Variants in AMPD1 observed in about 807,000 individuals in gnomAD.
AMPD1 encodes the protein adenosine monophosphate deaminase 1, also known as AMP deaminase 1.
AMPD1 carries 74 observed loss-of-function variants against 82.9 expected under a neutral mutation model. The ratio of observed to expected loss-of-function variants is 0.89; its 90% CI spans 0.74 to 1.08. The LOEUF is 1.08. AMPD1 is among the 50% of genes least tolerant of loss of function. The pLI is 0.00. For synonymous variants in AMPD1, 333 were observed against 320.5 expected, an observed-to-expected ratio of 1.04 and a Z score of -0.42; for missense variants, 881 against 924.5, an observed-to-expected ratio of 0.95 and a Z score of 0.61.
intron 2 of AMPD1, among the ~76,000 whole-genome samples, chr1:114,692,739 A>C (rs1243808212): frequency 6.8e-6 from 1 of 147,814 alleles, no homozygotes; most frequent in Admixed American, 6.8e-5. Flanking sequence ...ATCTGGTCAC[A>C]AAAATGAACA....
rs1657893690 is a variant in AMPD1, at chr1:114,673,546, C to T, written c.2085+93G>A. The T allele has an allele frequency of 2.8e-6, 3 of 1,077,850 alleles. No individual in the cohort carries two copies. In the South Asian group the frequency reaches 3.9e-5, roughly 14 times the overall value. 66.8% of individuals were successfully genotyped at this position (1,077,850 alleles called of 1,614,324 possible). On this transcript the variant is annotated intron_variant, in intron 15 of 15. Coordinates refer to ENST00000520113, the MANE Select transcript of AMPD1 (RefSeq NM_000036.3). ...TAGTAACTGCATATGATTCGTGGAA[C>T]AATTTTTCTACATGTGTTTCCCAAC...
chr1:114,675,414 G>T, intron 12 of AMPD1, 116 bp downstream of exon 12: 2 of 1,136,722 alleles, frequency 1.8e-6, no homozygotes, highest in African/African-American at 1.5e-5. Flanking sequence ...TTTCTGATTT[G>T]GGCCAATTGG....
Position 114,686,690 on chromosome 1 carries a change from T to C in AMPD1, c.381+55A>G, listed in dbSNP as rs907883534. Reference sequence around the variant, plus strand: ...AGAGAAGAAGGCAAGGAGCTAGAACTGTCAAGCTGAATGGCTTCCTGGTTG... The same window carrying C: ...AGAGAAGAAGGCAAGGAGCTAGAACCGTCAAGCTGAATGGCTTCCTGGTTG... On this transcript the variant is annotated intron_variant, in intron 4 of 15. Coordinates refer to ENST00000520113, the MANE Select transcript of AMPD1 (RefSeq NM_000036.3). The C allele has an allele frequency of 4.4e-6, 7 of 1,582,534 alleles. No homozygotes were observed. The African/African-American group carries it at 9.4e-5, about 21-fold the overall frequency.
At chr1:114,684,603 C>G in intron 4 of AMPD1, 1 of 572,140 alleles carries the variant, frequency 1.7e-6, no homozygotes, top group Non-Finnish European at 3.1e-6. Context: ...TAGTCTTTCC[C>G]TTGTAGTCCT....
intron 5 of AMPD1, among the ~76,000 whole-genome samples, chr1:114,681,057 A>G (rs1658144016): frequency 6.6e-6 from 1 of 152,232 alleles, no homozygotes; most frequent in African/African-American, 2.4e-5. Context: ...AGTAATCGAT[A>G]TACTACTTAC....
Position 114,678,397 on chromosome 1 carries a change from T to C in AMPD1, c.1028A>G (p.Glu343Gly), listed in dbSNP as rs547963174. The part of the protein sequence containing the change: ...STKEKNLTLK[E>G]LFAKLKMHPY... ...ATGCATTTTTAATTTAGCAAAAAGT[T>C]CCTTTAGGGTCAGATTCTTCTCTTT... is the stretch of plus-strand genomic sequence containing the variant. The change falls in exon 8 of 16, where the codon GAA becomes GGA. Residue 343 changes from glutamate to glycine, a missense_variant. By Grantham distance (98) the Glu-to-Gly change is moderately conservative (BLOSUM62 -2). This residue lies in a region of AMPD1 where 783 missense variants were observed against 786.4 expected (regional missense o/e 1.00). Coordinates refer to ENST00000520113, the MANE Select transcript of AMPD1 (RefSeq NM_000036.3). 1 of 1,614,182 alleles carries C rather than the reference T, an allele frequency of 6.2e-7. No homozygotes were observed. The highest frequency in any genetic ancestry group is 1.3e-5 in the African/African-American group (1 of 75,040).
rs1413738699 is a variant in AMPD1 at position 114,679,717 on chromosome 1, AAT to A, written c.768-11_768-10del. On this transcript the variant is annotated splice_polypyrimidine_tract_variant and intron_variant, in intron 6 of 15. Coordinates refer to ENST00000520113, the MANE Select transcript of AMPD1 (RefSeq NM_000036.3). Reference sequence around the variant, plus strand: ...GGTGGGTATAGGTCTTACTGTGAAAAATAAAATCACATAATTCCAAAAAGTTT... The same window carrying A: ...GGTGGGTATAGGTCTTACTGTGAAAAAAAATCACATAATTCCAAAAAGTTT... 1.2e-6 allele frequency: 2 copies of A among 1,613,980 alleles called. No homozygotes were observed. Among genetic ancestry groups the A allele is most frequent in the African/African-American group, 2.7e-5 (2 of 74,916 alleles).
intron 3 of AMPD1, 124 bp from the exon 4 acceptor site, chr1:114,687,034 G>T: frequency 9.4e-7 from 1 of 1,060,094 alleles, no homozygotes; most frequent in Non-Finnish European, 1.4e-6. Context: ...AATGTGGTTG[G>T]GTATCAGAAA....
intron 4 of AMPD1, among the ~76,000 whole-genome samples, chr1:114,685,337 A>G (rs1658282375): frequency 6.6e-6 from 1 of 152,166 alleles, no homozygotes; most frequent in African/African-American, 2.4e-5. Context: ...TCAGCACACA[A>G]TGCCTAGCAC....
rs531732694 is a variant in AMPD1, at chr1:114,684,362, A to C, written c.384T>G (p.Val128=). 1 of 1,613,544 alleles carries C rather than the reference A, an allele frequency of 6.2e-7. No individual in the cohort carries two copies. The highest frequency in any genetic ancestry group is 1.7e-5 in the Admixed American group (1 of 59,986). ...VQITGDYASG[V]TVEDFEIVCK... Reference sequence around the variant, plus strand: ...AAACAATTTCAAAATCTTCAACTGTAACCTGCCAAAAAAAAAAAAGTCAGC... The same window carrying C: ...AAACAATTTCAAAATCTTCAACTGTCACCTGCCAAAAAAAAAAAAGTCAGC... The change falls in exon 5 of 16, where the codon GTT becomes GTG. Residue 128 remains valine (V), a splice_region_variant and synonymous_variant. Transcript: ENST00000520113.
chr1:114,677,609 G>T (rs1320240316), intron 9 of AMPD1, 95 bp from the exon 10 acceptor site: 46 of 1,536,304 alleles, frequency 3.0e-5, no homozygotes, highest in Non-Finnish European at 3.9e-5. Flanking sequence ...CTTCCTTTCA[G>T]AATCTGAAAA....
intron 3 of AMPD1, among the ~76,000 whole-genome samples, chr1:114,687,564 A>G (rs768876278): frequency 1.3e-5 from 2 of 152,174 alleles, no homozygotes; most frequent in Middle Eastern, 3.4e-3. Flanking sequence ...TCTTTTCCCC[A>G]TGAAGCTGGT....
At position 114,678,427 on chromosome 1, in the gene AMPD1, C is replaced by A; in HGVS notation, c.998G>T (p.Ser333Ile). 6.2e-7 allele frequency: 1 copy of A among 1,614,106 alleles called. No individual in the cohort carries two copies. The highest frequency in any genetic ancestry group is 1.1e-5 in the South Asian group (1 of 91,084). Residue 333 changes from serine to isoleucine, a missense_variant, in exon 8 of 16, where the codon AGC becomes ATC. Physicochemically the swap from Ser to Ile is moderately radical, Grantham distance 142 (BLOSUM62 -2). Around this residue, in one of 2 missense-constraint regions of AMPD1, gnomAD observed 783 missense variants for 786.4 expected, o/e 1.00. Transcript: ENST00000520113. ...YQIDADRVVYSTKEKNLTLKE... is the reference protein window; with the variant it reads ...YQIDADRVVYITKEKNLTLKE... Reference sequence around the variant, plus strand: ...TAGGGTCAGATTCTTCTCTTTGGTGCTATAGACCACTCTGTCAGCATCAAT... The same window carrying A: ...TAGGGTCAGATTCTTCTCTTTGGTGATATAGACCACTCTGTCAGCATCAAT...
At position 114,682,782 on chromosome 1, in the gene AMPD1, G is replaced by C. The variant is rs972948970; in HGVS notation, c.547+1417C>G. Among the ~76,000 whole-genome samples the C allele has an allele frequency of 2.0e-5, 3 of 152,114 alleles. No individual in the cohort carries two copies. In the South Asian group the frequency reaches 6.2e-4, roughly 32 times the overall value. On this transcript the variant is annotated intron_variant, in intron 5 of 15. Coordinates refer to ENST00000520113, the MANE Select transcript of AMPD1 (RefSeq NM_000036.3). ...TTTAGTAGAGACGGGGTTTCACCGTGTTAGCCAAGATGGTCTCGATCTCCT... is the reference window on the plus strand; with the variant it reads ...TTTAGTAGAGACGGGGTTTCACCGTCTTAGCCAAGATGGTCTCGATCTCCT...
At chr1:114,679,392 G>C (rs1658087497) in intron 7 of AMPD1, among the ~76,000 whole-genome samples, 187 bp downstream of exon 7, 1 of 152,118 alleles carries the variant, frequency 6.6e-6, no homozygotes, top group Non-Finnish European at 1.5e-5. Context: ...CCTTTCTATG[G>C]GGAAAACGAT....
intron 3 of AMPD1, chr1:114,687,122 T>G (rs1658344683): frequency 1.6e-6 from 1 of 606,332 alleles, no homozygotes; most frequent in African/African-American, 1.8e-5. Flanking sequence ...TACCTTGGAA[T>G]GGCCTTAGCA....
intron 13 of AMPD1, 118 bp downstream of exon 13, chr1:114,674,634 A>G (rs1657927027): frequency 2.3e-6 from 3 of 1,290,628 alleles, no homozygotes; most frequent in South Asian, 1.4e-5. Context: ...AAAATCTTTT[A>G]TGCTCTACTT....
At position 114,675,567 on chromosome 1, in the gene AMPD1, T is replaced by A; in HGVS notation, c.1642A>T (p.Met548Leu). The A allele has an allele frequency of 6.2e-7, 1 of 1,614,176 alleles. No homozygotes were observed. The highest frequency in any genetic ancestry group is 8.5e-7 in the Non-Finnish European group (1 of 1,179,972). ...TTGAGCACCATGATGTTTGCATACA[T>A]GTAGTAGGCATAGTAAGTGTAAGAT... ...NPSYTYYAYY[M>L]YANIMVLNSL... is the part of the protein sequence containing the mutation. Residue 548 changes from methionine to leucine, a missense_variant, in exon 12 of 16, where the codon ATG (methionine) becomes TTG (leucine). Transcript: ENST00000520113.
At position 114,673,209 on chromosome 1, in the gene AMPD1, T is replaced by A; in HGVS notation, c.2149A>T (p.Arg717Trp). 6.2e-7 allele frequency: 1 copy of A among 1,614,180 alleles called. No homozygotes were observed. Among genetic ancestry groups the A allele is most frequent in the Non-Finnish European group, 8.5e-7 (1 of 1,180,008 alleles). Residue 717 changes from arginine to tryptophan, a missense_variant, in exon 16 of 16, where the codon AGG becomes TGG. Physicochemically the swap from Arg to Trp is moderately radical, Grantham distance 101. Around this residue, in one of 2 missense-constraint regions of AMPD1, gnomAD observed 98 missense variants for 138.1 expected, o/e 0.71. Coordinates refer to ENST00000520113, the MANE Select transcript of AMPD1 (RefSeq NM_000036.3). ...ATGCGGATTTGGGCTACATTTGTCC[T>A]CCGGATATCATTTCCAGCAGGGCCT... Reference protein sequence around the residue: ...EEGPAGNDIRRTNVAQIRMAY... With the variant: ...EEGPAGNDIRWTNVAQIRMAY...
Sources: gnomAD v4.1 joint callset for allele counts (sites outside exome capture counted in the v4.1 genomes callset) on GRCh38, gnomAD v4.1.1 for gene constraint, gnomAD v4.1.1 regional missense constraint, MANE v1.5 for transcripts, NCBI Gene and HGNC (gene_info 2026-07-23, HGNC 2026-07-21) for gene names.